The following PIK3AP1 variants were observed in gnomAD, a reference collection of about 807,000 sequenced individuals.
PIK3AP1 encodes phosphoinositide 3-kinase adapter protein 1.
Under a neutral mutation model 88.1 loss-of-function variants are expected in PIK3AP1, and 21 were observed. The ratio of observed to expected loss-of-function variants is 0.24; its 90% CI spans 0.17 to 0.34. PIK3AP1 has a LOEUF of 0.34. Ranked by LOEUF, PIK3AP1 falls within the 10% of genes least tolerant of loss-of-function variation. The pLI, the probability that PIK3AP1 is intolerant of heterozygous loss-of-function variation, is 1.00. For missense variants in PIK3AP1, 828 were observed against 1,035.7 expected (o/e 0.80, Z 2.75); for synonymous variants, 398 against 400.0 (o/e 1.00, Z 0.06).
At chr10:96,657,839 G>A (rs987482507) in intron 2 of PIK3AP1, among the ~76,000 whole-genome samples, 1 of 152,110 alleles carries the variant, frequency 6.6e-6, no homozygotes, top group Non-Finnish European at 1.5e-5. Context: ...CAAGGAAGGC[G>A]GATCACCTGA....
chr10:96,598,148 A>G (rs1478618484), intron 16 of PIK3AP1, among the ~76,000 whole-genome samples: 1 of 151,016 alleles, frequency 6.6e-6, no homozygotes, highest in East Asian at 1.9e-4. Context: ...GGCTCAAGCA[A>G]TTTGCCCACC....
Position 96,720,088 on chromosome 10 carries a change from C to G in PIK3AP1, c.13+294G>C, listed in dbSNP as rs566931727. Among the ~76,000 whole-genome samples the G allele has an allele frequency of 1.3e-5, 2 of 152,236 alleles. No individual in the cohort carries two copies. The highest frequency in any genetic ancestry group is 2.1e-4 in the South Asian group (1 of 4,830). On this transcript the variant is annotated intron_variant, in intron 1 of 16. Coordinates refer to ENST00000339364, the MANE Select transcript of PIK3AP1 (RefSeq NM_152309.3). The surrounding 1 kb of genome is among the most constrained non-coding windows in gnomAD (Gnocchi z 4.6). Reference sequence around the variant, plus strand: ...TTCAGAGTCGGAGGGACAGGGGAAGCGACGCTCAGACACTCCTAGGGCCAG... The same window carrying G: ...TTCAGAGTCGGAGGGACAGGGGAAGGGACGCTCAGACACTCCTAGGGCCAG...
chr10:96,632,795 T>G (rs1843261981), intron 8 of PIK3AP1: 1 of 1,493,020 alleles, frequency 6.7e-7, no homozygotes, highest in Admixed American at 1.9e-5. Flanking sequence ...TAGGTTCCAA[T>G]TGTGTTTTTC....
chr10:96,612,970 ATATATATATATATTTTTTTTTTTTTT>A (rs1589487254), intron 13 of PIK3AP1, among the ~76,000 whole-genome samples: 1 of 107,188 alleles, frequency 9.3e-6, no homozygotes. Context: ...ATATATATAT[ATATATATATATATTTTTTTTTTTTTT>A]TTTTTTTTTT....
rs1280495804 is a variant in PIK3AP1, at chr10:96,628,915, T to C, written c.1376-422A>G. On this transcript the variant is annotated intron_variant, in intron 8 of 16. Transcript: ENST00000339364. ...ATATATATATATATATATGTGTATA[T>C]ATATATATATATATGGCAAGGTCTC... 2.9e-4 allele frequency among the ~76,000 whole-genome samples: 36 copies of C among 123,756 alleles called. 4 individuals carry two copies. Among genetic ancestry groups the C allele is most frequent in the Middle Eastern group, 3.7e-3 (1 of 272 alleles). 81.2% of individuals were successfully genotyped at this position (123,756 alleles called of 152,430 possible).
chr10:96,635,032 C>T (rs941058445), intron 8 of PIK3AP1, among the ~76,000 whole-genome samples: 1 of 152,224 alleles, frequency 6.6e-6, no homozygotes, highest in African/African-American at 2.4e-5. Context: ...TTCTGACGCC[C>T]TCTTCCACTT....
chr10:96,656,693 T>C, intron 3 of PIK3AP1, 105 bp downstream of exon 3: 1 of 1,468,412 alleles, frequency 6.8e-7, no homozygotes, highest in South Asian at 1.3e-5. Context: ...GCTGCAATTA[T>C]ACTGAGGTGC....
At chr10:96,610,509 C>G (rs1362968724) in intron 13 of PIK3AP1, among the ~76,000 whole-genome samples, 1 of 146,796 alleles carries the variant, frequency 6.8e-6, no homozygotes. Flanking sequence ...TGTACAGCCT[C>G]TTGCTCTCTG....
In PIK3AP1 at chr10:96,628,998, T is replaced by A. The variant is rs184851301; in HGVS notation, c.1376-505A>T. 2.7e-3 allele frequency among the ~76,000 whole-genome samples: 398 copies of A among 148,710 alleles called. 2 individuals carry two copies. The highest frequency in any genetic ancestry group is 8.6e-3 in the African/African-American group (347 of 40,364). ...ACTACAGCACACTCCAGCCTCGAAC[T>A]CCTGGCCTCAAGCCATCCTCCCGCC... On this transcript the variant is annotated intron_variant, in intron 8 of 16. Coordinates refer to ENST00000339364, the MANE Select transcript of PIK3AP1 (RefSeq NM_152309.3).
In PIK3AP1 at chr10:96,620,615, A is replaced by G. The variant is rs1843066433; in HGVS notation, c.1736-58T>C. 3.4e-6 allele frequency: 5 copies of G among 1,471,594 alleles called. 1 individual carries two copies. In the Admixed American group the frequency reaches 8.7e-5, roughly 26 times the overall value. 91.2% of individuals were successfully genotyped at this position (1,471,594 alleles called of 1,614,324 possible). ...TCCCCCACTGGGGACCACTCACCAG[A>G]AGTGTACGGTTAATGAGGCTGGTCA... On this transcript the variant is annotated intron_variant, in intron 11 of 16. Transcript: ENST00000339364.
chr10:96,597,265 T>TC, intron 16 of PIK3AP1, among the ~76,000 whole-genome samples: 1 of 130,608 alleles, frequency 7.7e-6, no homozygotes, highest in Non-Finnish European at 1.8e-5. Flanking sequence ...TTTCTTTCTT[T>TC]CTTTCTTTCC....
chr10:96,614,900 G>A (rs1849188589), intron 13 of PIK3AP1, among the ~76,000 whole-genome samples: 1 of 152,232 alleles, frequency 6.6e-6, no homozygotes, highest in African/African-American at 2.4e-5. Context: ...GCTTCTAGTG[G>A]AAGGGAGATG....
intron 7 of PIK3AP1, among the ~76,000 whole-genome samples, chr10:96,646,703 C>T (rs566829933): frequency 6.6e-6 from 1 of 152,214 alleles, no homozygotes; most frequent in African/African-American, 2.4e-5. Flanking sequence ...GATTTTATGT[C>T]CTATGTGCCC....
At chr10:96,662,888 CAAAAA>C (rs749898725) in intron 2 of PIK3AP1, among the ~76,000 whole-genome samples, 4 of 22,576 alleles carry the variant, frequency 1.8e-4, no homozygotes, top group South Asian at 8.7e-4. Flanking sequence ...GACTCCGTCT[CAAAAA>C]AAAAAAAAAA....
At chr10:96,645,360 T>C in intron 8 of PIK3AP1, 113 bp downstream of exon 8, 1 of 1,058,896 alleles carries the variant, frequency 9.4e-7, no homozygotes, top group Non-Finnish European at 1.3e-6. Context: ...GACCTTCATC[T>C]CTCTGGGGTG....
At chr10:96,707,290 TTTTG>T (rs1034272478) in intron 2 of PIK3AP1, among the ~76,000 whole-genome samples, 1 of 152,110 alleles carries the variant, frequency 6.6e-6, no homozygotes, top group African/African-American at 2.4e-5. Flanking sequence ...CACTACTGTT[TTTTG>T]TTTGTTTGTT....
intron 8 of PIK3AP1, among the ~76,000 whole-genome samples, chr10:96,644,968 C>T (rs1046699283): frequency 7.2e-5 from 11 of 151,994 alleles, no homozygotes; most frequent in African/African-American, 2.4e-4. Flanking sequence ...AGCCGTTGAC[C>T]GTGATTCTGA....
intron 13 of PIK3AP1, among the ~76,000 whole-genome samples, chr10:96,611,772 C>T (rs1393986645): frequency 6.6e-6 from 1 of 152,124 alleles, no homozygotes; most frequent in Non-Finnish European, 1.5e-5. Flanking sequence ...AGCCAAAAAT[C>T]ACTTTTTTAA....
intron 2 of PIK3AP1, among the ~76,000 whole-genome samples, chr10:96,668,805 A>G (rs1385892568): frequency 6.6e-6 from 1 of 152,194 alleles, no homozygotes. Context: ...TTTCCTCTGC[A>G]TTTGTATTTT....
Sources: gnomAD v4.1 joint callset for allele counts (sites outside exome capture counted in the v4.1 genomes callset) on GRCh38, gnomAD v4.1.1 for gene constraint, Gnocchi (gnomAD v3.1) non-coding constraint, MANE v1.5 for transcripts, NCBI Gene and HGNC (gene_info 2026-07-23, HGNC 2026-07-21) for gene names.